EGFR: variants seen among roughly 807,000 people sequenced by gnomAD.
The protein encoded by EGFR is avian erythroblastic leukemia viral (v-erb-b) oncogene homolog.
EGFR carries 58 observed loss-of-function variants against 143.0 expected under a neutral mutation model. That is an observed-to-expected ratio of 0.41 (90% CI 0.33 to 0.50). The LOEUF is 0.50. Among genes scored for constraint, EGFR ranks in the 20% least tolerant of loss-of-function variants. The pLI is 0.39. For missense variants in EGFR, 1,307 were observed against 1,579.0 expected (o/e 0.83, Z 2.92); for synonymous variants, 613 against 594.4 (o/e 1.03, Z -0.45).
intron 1 of EGFR, among the ~76,000 whole-genome samples, chr7:55,096,701 A>G (rs2128898137): frequency 6.6e-6 from 1 of 152,238 alleles, no homozygotes; most frequent in South Asian, 2.1e-4. Context: ...TGTTGGTCCC[A>G]CTGAAAAGAA....
At chr7:55,064,505 A>T (rs1415322632) in intron 1 of EGFR, among the ~76,000 whole-genome samples, 1 of 152,214 alleles carries the variant, frequency 6.6e-6, no homozygotes, top group Non-Finnish European at 1.5e-5. Flanking sequence ...ACAAACACCC[A>T]TTCATGCAAA....
At chr7:55,189,118 GTATA>G (rs1006328693) in intron 20 of EGFR, among the ~76,000 whole-genome samples, 2 of 121,538 alleles carry the variant, frequency 1.6e-5, no homozygotes, top group Non-Finnish European at 3.5e-5. Context: ...GTGTGTGTGT[GTATA>G]TATATATACA....
At position 55,181,359 on chromosome 7, in the gene EGFR, T is replaced by C. The variant is rs2128958593; in HGVS notation, c.2350T>C (p.Ser784Pro). ...CCGCCTGCTGGGCATCTGCCTCACCTCCACCGTGCAGCTCATCACGCAGCT... is the reference window on the plus strand; with the variant it reads ...CCGCCTGCTGGGCATCTGCCTCACCCCCACCGTGCAGCTCATCACGCAGCT... Reference protein sequence around the residue: ...VCRLLGICLTSTVQLITQLMP... With the variant: ...VCRLLGICLTPTVQLITQLMP... Residue 784 changes from serine to proline, a missense_variant, in exon 20 of 28, where the codon TCC becomes CCC. Ser to Pro is a moderately conservative substitution (Grantham distance 74, BLOSUM62 -1). This residue lies in a region of EGFR where 348 missense variants were observed against 451.5 expected (regional missense o/e 0.77). Coordinates refer to ENST00000275493, the MANE Select transcript of EGFR (RefSeq NM_005228.5). The C allele has an allele frequency of 1.9e-6, 3 of 1,614,156 alleles. No individual in the cohort carries two copies. The highest frequency in any genetic ancestry group is 2.5e-6 in the Non-Finnish European group (3 of 1,180,030).
intron 14 of EGFR, 27 bp from the exon 15 acceptor site, chr7:55,165,253 T>C (rs1310891930): frequency 6.2e-7 from 1 of 1,613,922 alleles, no homozygotes; most frequent in East Asian, 2.2e-5. Flanking sequence ...GAGACATGCA[T>C]GAACATTTTT....
At chr7:55,182,974 C>T (rs908986181) in intron 20 of EGFR, among the ~76,000 whole-genome samples, 7 of 152,180 alleles carry the variant, frequency 4.6e-5, no homozygotes, top group Admixed American at 4.6e-4. Context: ...TCATCACCAA[C>T]TTGGTAGCTC....
At chr7:55,147,708 C>G (rs1461914106) in intron 4 of EGFR, among the ~76,000 whole-genome samples, 2 of 152,054 alleles carry the variant, frequency 1.3e-5, no homozygotes, top group Admixed American at 1.3e-4. Flanking sequence ...TGGCCATCAC[C>G]ACCGTCCACA....
At chr7:55,199,859 G>A (rs534116467) in intron 23 of EGFR, among the ~76,000 whole-genome samples, 27 of 152,310 alleles carry the variant, frequency 1.8e-4, no homozygotes, top group East Asian at 3.9e-4. Context: ...TGGAGACGCC[G>A]GGGGTAGGGG....
intron 20 of EGFR, among the ~76,000 whole-genome samples, chr7:55,188,616 G>A (rs574367417): frequency 7.9e-5 from 12 of 152,270 alleles, no homozygotes; most frequent in South Asian, 4.1e-4. Flanking sequence ...GAGAGGCCCC[G>A]CTGAGGCTTT....
intron 1 of EGFR, among the ~76,000 whole-genome samples, chr7:55,112,656 G>A (rs1365457089): frequency 6.6e-6 from 1 of 152,182 alleles, no homozygotes; most frequent in Admixed American, 6.5e-5. Context: ...GGCCTCTGGA[G>A]ATCAGTATGG....
chr7:55,204,196 T>G (rs181820161), intron 27 of EGFR, among the ~76,000 whole-genome samples: 1 of 144,428 alleles, frequency 6.9e-6, no homozygotes, highest in East Asian at 2.1e-4. Context: ...ACACACACCA[T>G]ACACATGTAC....
chr7:55,192,804 C>T lies in EGFR; in HGVS notation c.2664C>T (p.His888=), dbSNP rs756403828. ...GGATGGCATTGGAATCAATTTTACA[C>T]AGAATCTATACCCACCAGAGTGATG... ...IKWMALESIL[H]RIYTHQSDVW... is the part of the protein sequence containing the mutation. Residue 888 remains histidine (H), a synonymous_variant, in exon 22 of 28, where the codon CAC becomes CAT. Transcript: ENST00000275493. 2 of 1,614,216 alleles carry T rather than the reference C, an allele frequency of 1.2e-6. No individual in the cohort carries two copies. Among genetic ancestry groups the T allele is most frequent in the South Asian group, 2.2e-5 (2 of 91,074 alleles).
At chr7:55,173,507 C>T (rs1786453715) in intron 17 of EGFR, among the ~76,000 whole-genome samples, 1 of 152,198 alleles carries the variant, frequency 6.6e-6, no homozygotes, top group Non-Finnish European at 1.5e-5. Context: ...TGATGGACTT[C>T]GCCACAGCCC....
chr7:55,147,190 T>C (rs1220411559), intron 4 of EGFR, among the ~76,000 whole-genome samples: 1 of 152,200 alleles, frequency 6.6e-6, no homozygotes, highest in Non-Finnish European at 1.5e-5. Flanking sequence ...CACACACAGC[T>C]GGGCACTGCC....
intron 1 of EGFR, among the ~76,000 whole-genome samples, chr7:55,033,528 C>T (rs1286251516): frequency 5.9e-5 from 9 of 152,104 alleles, no homozygotes; most frequent in Admixed American, 5.9e-4. Context: ...TTCATAGGGT[C>T]GCAGAGGGGA....
chr7:55,181,179 A>T, intron 19 of EGFR, 114 bp from the exon 20 acceptor site: 1 of 1,239,546 alleles, frequency 8.1e-7, no homozygotes, highest in Non-Finnish European at 1.2e-6. Flanking sequence ...CTCCATGAGT[A>T]CGTATTTTGA....
At chr7:55,135,762 T>A (rs1794100888) in intron 1 of EGFR, among the ~76,000 whole-genome samples, 1 of 152,234 alleles carries the variant, frequency 6.6e-6, no homozygotes, top group Non-Finnish European at 1.5e-5. Context: ...AGTTCTATAG[T>A]CACAATTTAT....
intron 1 of EGFR, among the ~76,000 whole-genome samples, chr7:55,079,299 T>G (rs1790328858): frequency 6.6e-6 from 1 of 152,100 alleles, no homozygotes; most frequent in African/African-American, 2.4e-5. Flanking sequence ...GCATGCACAC[T>G]CAGAGTAGGT....
intron 1 of EGFR, among the ~76,000 whole-genome samples, chr7:55,041,595 C>T (rs1325372052): frequency 1.3e-5 from 2 of 152,192 alleles, no homozygotes; most frequent in African/African-American, 4.8e-5. Context: ...CCTAACACAT[C>T]TTTATTTGCT....
intron 4 of EGFR, among the ~76,000 whole-genome samples, chr7:55,148,315 T>C (rs1794872317): frequency 6.6e-6 from 1 of 152,164 alleles, no homozygotes; most frequent in Admixed American, 6.5e-5. Context: ...GGGCCAGTGT[T>C]TGCCATGGAT....
Sources: allele counts gnomAD v4.1 joint callset (sites outside exome capture counted in the v4.1 genomes callset), GRCh38; gene constraint gnomAD v4.1.1; regional missense constraint gnomAD v4.1.1; transcripts MANE v1.5; gene names NCBI Gene and HGNC (gene_info 2026-07-23, HGNC 2026-07-21).